Variants in CCNJL observed in about 807,000 individuals in gnomAD.
CCNJL encodes cyclin-J-like protein.
A neutral mutation model predicts 33.4 loss-of-function variants in CCNJL; 33 were observed. That is an observed-to-expected ratio of 0.99 (90% CI 0.75 to 1.32). The LOEUF is 1.32. Among genes scored for constraint, CCNJL ranks in the 40% most tolerant of loss-of-function variants. The pLI is 0.00. For missense variants in CCNJL, 512 were observed against 499.7 expected (o/e 1.02, Z -0.23); for synonymous variants, 227 against 220.9 (o/e 1.03, Z -0.24).
At chr5:160,299,612 T>TAA (rs35587377) in intron 2 of CCNJL, among the ~76,000 whole-genome samples, 136 of 144,956 alleles carry the variant, frequency 9.4e-4, no homozygotes, top group African/African-American at 2.6e-3. Flanking sequence ...GTTGTTATGT[T>TAA]AAAAAAAAAA....
At chr5:160,277,515 A>G (rs1303413480) in intron 3 of CCNJL, among the ~76,000 whole-genome samples, 1 of 152,186 alleles carries the variant, frequency 6.6e-6, no homozygotes, top group Non-Finnish European at 1.5e-5. Flanking sequence ...TCTCTATACT[A>G]TATTTATGGT....
At chr5:160,300,590 T>C (rs925814977) in intron 2 of CCNJL, among the ~76,000 whole-genome samples, 3 of 152,168 alleles carry the variant, frequency 2.0e-5, no homozygotes, top group Non-Finnish European at 4.4e-5. Flanking sequence ...ATTCTATGTG[T>C]GGCCCAAGGC....
intron 3 of CCNJL, among the ~76,000 whole-genome samples, chr5:160,273,056 T>C (rs1238344750): frequency 1.3e-5 from 2 of 152,238 alleles, no homozygotes; most frequent in African/African-American, 4.8e-5. Context: ...TAACATACTA[T>C]GAAGAAAGCA....
chr5:160,312,708 C>G (rs772863604), upstream of CCNJL: 3 of 151,974 alleles, frequency 2.0e-5, no homozygotes, highest in East Asian at 5.8e-4. Context: ...TCCTGCCCGC[C>G]CTCCTCCCTC....
At chr5:160,260,206 G>A (rs1237569747) in intron 3 of CCNJL, among the ~76,000 whole-genome samples, 1 of 152,198 alleles carries the variant, frequency 6.6e-6, no homozygotes, top group Non-Finnish European at 1.5e-5. Context: ...CTCCTGGCTA[G>A]AGTCAGCATG....
At chr5:160,319,455 G>T (rs189506103) in intron 1 of CCNJL, among the ~76,000 whole-genome samples, 116 of 152,262 alleles carry the variant, frequency 7.6e-4, no homozygotes, top group Admixed American at 3.4e-3. Context: ...CTGAGAGCAG[G>T]CTTCCCTACT....
chr5:160,269,145 G>A (rs1286259205), intron 3 of CCNJL, among the ~76,000 whole-genome samples: 1 of 152,240 alleles, frequency 6.6e-6, no homozygotes, highest in Non-Finnish European at 1.5e-5. Context: ...CATTCGGCCA[G>A]CTGGGTCACC....
At chr5:160,282,031 GA>G (rs992444203) in intron 2 of CCNJL, among the ~76,000 whole-genome samples, 1 of 152,198 alleles carries the variant, frequency 6.6e-6, no homozygotes, top group Non-Finnish European at 1.5e-5. Context: ...AAAATTGAAG[GA>G]AAACAGGAAA....
Position 160,259,550 on chromosome 5 carries a change from T to C in CCNJL, c.502A>G (p.Thr168Ala). The C allele has an allele frequency of 6.2e-7, 1 of 1,614,052 alleles. No individual in the cohort carries two copies. Among genetic ancestry groups the C allele is most frequent in the Non-Finnish European group, 8.5e-7 (1 of 1,179,998 alleles). ...SVSQKDHHCH[T>A]WPTTCPRKTK... ...TTGCGGGGGCAGGTGGTGGGCCAGG[T>C]GTGGCAGTGGTGGTCCTTCTGGCTG... Residue 168 changes from threonine to alanine, a missense_variant, in exon 4 of 6, where the codon ACC becomes GCC. Coordinates refer to ENST00000257536, the MANE Select transcript of CCNJL (RefSeq NM_001308173.3).
intron 4 of CCNJL, among the ~76,000 whole-genome samples, chr5:160,258,771 A>G (rs1322961187): frequency 6.6e-6 from 1 of 152,226 alleles, no homozygotes; most frequent in African/African-American, 2.4e-5. Flanking sequence ...ATCTCCGCTC[A>G]CTGCAATCTC....
chr5:160,322,523 T>C (rs1369700599), intron 1 of CCNJL, among the ~76,000 whole-genome samples: 1 of 152,216 alleles, frequency 6.6e-6, no homozygotes, highest in Non-Finnish European at 1.5e-5. Flanking sequence ...TGTGTAATCA[T>C]TAAGTTGTAA....
upstream of CCNJL, among the ~76,000 whole-genome samples, chr5:160,315,880 T>C (rs1763374922): frequency 6.6e-6 from 1 of 152,220 alleles, no homozygotes; most frequent in African/African-American, 2.4e-5. Context: ...TTTCCCAGTC[T>C]TTCTATGCTG....
intron 2 of CCNJL, among the ~76,000 whole-genome samples, chr5:160,299,832 T>C (rs1349596139): frequency 7.1e-6 from 1 of 140,516 alleles, no homozygotes; most frequent in Admixed American, 7.1e-5. Context: ...TCTGAATTGC[T>C]TGGATTTTTT....
intron 3 of CCNJL, among the ~76,000 whole-genome samples, chr5:160,265,488 A>T (rs1044218410): frequency 1.3e-5 from 2 of 152,074 alleles, no homozygotes; most frequent in Non-Finnish European, 2.9e-5. Flanking sequence ...AAATTTAAAA[A>T]TTACCCAGGT....
chr5:160,318,901 A>G (rs2113470147), intron 1 of CCNJL, among the ~76,000 whole-genome samples: 1 of 152,316 alleles, frequency 6.6e-6, no homozygotes, highest in South Asian at 2.1e-4. Flanking sequence ...TCTTGCTAAT[A>G]CTTTACATTT....
At chr5:160,327,017 G>T in intron 1 of CCNJL, 1 of 432,012 alleles carries the variant, frequency 2.3e-6, no homozygotes, top group Non-Finnish European at 4.4e-6. Context: ...GATACAGTTT[G>T]TTTTTAGATG....
intron 3 of CCNJL, among the ~76,000 whole-genome samples, chr5:160,279,604 G>T (rs1279507792): frequency 6.6e-6 from 1 of 152,214 alleles, no homozygotes; most frequent in African/African-American, 2.4e-5. Context: ...AGGGCAGTGG[G>T]GGAAGGTTTT....
upstream of CCNJL, among the ~76,000 whole-genome samples, chr5:160,316,116 T>C (rs1252954834): frequency 2.0e-5 from 3 of 151,246 alleles, no homozygotes; most frequent in Non-Finnish European, 4.4e-5. Flanking sequence ...GAAGAGTAAA[T>C]ATACATTGCA....
intron 1 of CCNJL, among the ~76,000 whole-genome samples, chr5:160,318,070 G>A (rs774787526): frequency 5.0e-4 from 76 of 151,154 alleles, no homozygotes; most frequent in Non-Finnish European, 1.5e-4. Context: ...AGGCTGGAGT[G>A]CAGTAGCACA....
Sources: allele counts gnomAD v4.1 joint callset (sites outside exome capture counted in the v4.1 genomes callset), GRCh38; gene constraint gnomAD v4.1.1; transcripts MANE v1.5; gene names NCBI Gene and HGNC (gene_info 2026-07-23, HGNC 2026-07-21).